Variants in PSMA8 observed in about 807,000 individuals in gnomAD.
PSMA8 encodes the protein proteasome subunit alpha-type 8.
Under a neutral mutation model 32.4 loss-of-function variants are expected in PSMA8, and 18 were observed. The observed-to-expected ratio is 0.56, with a 90% confidence interval of 0.38 to 0.82. The LOEUF (loss-of-function observed/expected upper bound fraction) is 0.82, where lower values mean the gene tolerates loss of function less well. Ranked by LOEUF, PSMA8 falls within the 40% of genes least tolerant of loss-of-function variation. The probability of loss-of-function intolerance (pLI) is 0.00; values close to 1 mark genes in which losing one functional copy is unlikely to be tolerated. For missense variants in PSMA8, 298 were observed against 300.7 expected (o/e 0.99, Z 0.07); for synonymous variants, 104 against 98.1 (o/e 1.06, Z -0.36).
chr18:26,137,962 A>G (rs2054925973), intron 1 of PSMA8, among the ~76,000 whole-genome samples: 1 of 152,016 alleles, frequency 6.6e-6, no homozygotes, highest in African/African-American at 2.4e-5. Context: ...GACAAAGGAA[A>G]TAGCTTGTGG....
chr18:26,166,711 G>T lies in PSMA8; in HGVS notation c.477+8467G>T, dbSNP rs186102448. Reference sequence around the variant, plus strand: ...ACTTGACAAAACAATAAATAACCATGGTTATTAGGACTTGGAGATTTGGCA... The same window carrying T: ...ACTTGACAAAACAATAAATAACCATTGTTATTAGGACTTGGAGATTTGGCA... On this transcript the variant is annotated intron_variant, in intron 4 of 6. Transcript: ENST00000415576. 1.7e-3 allele frequency among the ~76,000 whole-genome samples: 258 copies of T among 152,212 alleles called. 1 individual carries two copies. Among genetic ancestry groups the T allele is most frequent in the Middle Eastern group, 3.4e-3 (1 of 294 alleles).
At chr18:26,185,494 T>C (rs559025645) in intron 6 of PSMA8, among the ~76,000 whole-genome samples, 1 of 150,838 alleles carries the variant, frequency 6.6e-6, no homozygotes, top group African/African-American at 2.4e-5. Context: ...ATTTTCCTGT[T>C]AACCTTTTAT....
intron 3 of PSMA8, among the ~76,000 whole-genome samples, chr18:26,155,876 T>A (rs1247390571): frequency 6.6e-6 from 1 of 151,974 alleles, no homozygotes; most frequent in African/African-American, 2.4e-5. Context: ...ATCTGCAAAA[T>A]GAGAGAAAAT....
intron 4 of PSMA8, 40 bp downstream of exon 4, chr18:26,158,284 T>C (rs1395742394): frequency 6.7e-7 from 1 of 1,489,704 alleles, no homozygotes; most frequent in East Asian, 2.3e-5. Context: ...AGAAGTTTAG[T>C]AAATATTCAA....
intron 6 of PSMA8, among the ~76,000 whole-genome samples, chr18:26,181,984 G>T (rs998322882): frequency 6.6e-6 from 1 of 151,444 alleles, no homozygotes; most frequent in Non-Finnish European, 1.5e-5. Flanking sequence ...CTGGCTGGAA[G>T]ATCAAACCAG....
At position 26,144,651 on chromosome 18, in the gene PSMA8, T is replaced by C. The variant is rs2054987667; in HGVS notation, c.195T>C (p.Cys65=). The change falls in exon 2 of 7, where the codon TGT becomes TGC. Residue 65 remains cysteine, a synonymous_variant. Transcript: ENST00000415576. ...ATGAAAGAACTGTGAGGAAAATTTG[T>C]GCCCTTGATGACCATGTCTGCATGG... ...LQDERTVRKI[C]ALDDHVCMAF... is the part of the protein sequence containing the mutation. The C allele has an allele frequency of 1.2e-6, 2 of 1,613,966 alleles. No homozygotes were observed. Among genetic ancestry groups the C allele is most frequent in the Non-Finnish European group, 1.7e-6 (2 of 1,179,914 alleles).
intron 1 of PSMA8, among the ~76,000 whole-genome samples, chr18:26,134,371 G>GTGTGTCTC (rs1321889646): frequency 2.1e-5 from 3 of 141,992 alleles, no homozygotes; most frequent in African/African-American, 9.0e-5. Context: ...GTGTCTCTGT[G>GTGTGTCTC]TGTGTGTGTG....
intron 6 of PSMA8, among the ~76,000 whole-genome samples, chr18:26,187,404 T>C (rs2055364628): frequency 1.3e-5 from 2 of 152,008 alleles, no homozygotes; most frequent in Non-Finnish European, 2.9e-5. Context: ...TTGGGGAGAC[T>C]GAGGCAGGAG....
Position 26,170,476 on chromosome 18 carries a change from A to C in PSMA8, c.478-8354A>C, listed in dbSNP as rs2055211924. Among the ~76,000 whole-genome samples the C allele has an allele frequency of 1.5e-5, 2 of 130,944 alleles. 1 individual carries two copies. The highest frequency in any genetic ancestry group is 1.4e-4 in the Admixed American group (2 of 13,928). The allele number at this position is 130,944 out of a possible 152,430, so 85.9% of individuals were successfully genotyped here. ...AGGACTGGCAAGAGTGCCACATGTG[A>C]TGGGTGTGGAATGGCAGCTCACTAT... On this transcript the variant is annotated intron_variant, in intron 4 of 6. Coordinates refer to ENST00000415576, the MANE Select transcript of PSMA8 (RefSeq NM_001025096.2).
rs973754362 is a variant in PSMA8, at chr18:26,193,136, C to G, written c.*725C>G. 2 of 152,000 alleles carry G rather than the reference C, an allele frequency of 1.3e-5. No individual in the cohort carries two copies. The allele number at this position is 152,000 out of a possible 1,614,324, so 9.4% of individuals were successfully genotyped here. On this transcript the variant is annotated 3_prime_UTR_variant, in exon 7 of 7. Coordinates refer to ENST00000415576, the MANE Select transcript of PSMA8 (RefSeq NM_001025096.2). ...CTTTTAGTTTAGATTTTTATTTTATCTCAAGTATGTCCAGTGTGTTCGGTT... is the reference window on the plus strand; with the variant it reads ...CTTTTAGTTTAGATTTTTATTTTATGTCAAGTATGTCCAGTGTGTTCGGTT...
intron 6 of PSMA8, among the ~76,000 whole-genome samples, chr18:26,185,742 C>T (rs905495876): frequency 3.3e-5 from 5 of 150,768 alleles, no homozygotes; most frequent in Admixed American, 1.3e-4. Flanking sequence ...AATAGACTTG[C>T]GTCTGGTTTT....
At chr18:26,164,350 T>C (rs922170070) in intron 4 of PSMA8, among the ~76,000 whole-genome samples, 1 of 152,192 alleles carries the variant, frequency 6.6e-6, no homozygotes, top group Admixed American at 6.5e-5. Context: ...GCCAAAACCA[T>C]CAAGTGAAAG....
chr18:26,136,954 C>T (rs576873790), intron 1 of PSMA8, among the ~76,000 whole-genome samples: 28 of 152,224 alleles, frequency 1.8e-4, no homozygotes, highest in Non-Finnish European at 1.8e-4. Context: ...GCTGAAAGTA[C>T]CCAGCTGGAG....
chr18:26,167,799 C>T (rs1331621935), intron 4 of PSMA8, among the ~76,000 whole-genome samples: 1 of 151,672 alleles, frequency 6.6e-6, no homozygotes, highest in Non-Finnish European at 1.5e-5. Flanking sequence ...GCCTCTAGAA[C>T]TTTGAGAAAA....
intron 1 of PSMA8, among the ~76,000 whole-genome samples, chr18:26,134,949 C>A (rs1006490971): frequency 1.3e-5 from 2 of 148,798 alleles, no homozygotes; most frequent in Non-Finnish European, 3.0e-5. Flanking sequence ...AGCGAAACTC[C>A]GTCTCGGGAA....
chr18:26,166,007 CAGG>C (rs1454190710), intron 4 of PSMA8, among the ~76,000 whole-genome samples: 3 of 151,984 alleles, frequency 2.0e-5, no homozygotes, highest in Non-Finnish European at 4.4e-5. Context: ...GAGGCTGAGG[CAGG>C]AGAATTGCTT....
intron 1 of PSMA8, among the ~76,000 whole-genome samples, chr18:26,141,471 G>A (rs895052408): frequency 6.6e-6 from 1 of 152,004 alleles, no homozygotes; most frequent in African/African-American, 2.4e-5. Context: ...AATATTTTGA[G>A]ATTTTTCTTT....
At position 26,165,869 on chromosome 18, in the gene PSMA8, G is replaced by T. The variant is rs151145752; in HGVS notation, c.477+7625G>T. 8.7e-3 allele frequency among the ~76,000 whole-genome samples: 1,329 copies of T among 152,222 alleles called. 21 individuals are homozygous for T. The highest frequency in any genetic ancestry group is 0.031 in the African/African-American group (1,271 of 41,538). On this transcript the variant is annotated intron_variant, in intron 4 of 6. Coordinates refer to ENST00000415576, the MANE Select transcript of PSMA8 (RefSeq NM_001025096.2). Reference sequence around the variant, plus strand: ...CCAGCACTTTGGGAGGCCGAGGCAGGTGGATCACCTGAGGTCAGGAGTTTG... The same window carrying T: ...CCAGCACTTTGGGAGGCCGAGGCAGTTGGATCACCTGAGGTCAGGAGTTTG...
chr18:26,167,678 A>G (rs1460350836), intron 4 of PSMA8, among the ~76,000 whole-genome samples: 1 of 152,222 alleles, frequency 6.6e-6, no homozygotes, highest in Non-Finnish European at 1.5e-5. Context: ...GTATGTGTGC[A>G]CACAAGAAGA....
Sources: allele counts gnomAD v4.1 joint callset (sites outside exome capture counted in the v4.1 genomes callset), GRCh38; gene constraint gnomAD v4.1.1; transcripts MANE v1.5; gene names NCBI Gene and HGNC (gene_info 2026-07-23, HGNC 2026-07-21).